FBXL2: variants seen among roughly 807,000 people sequenced by gnomAD.
FBXL2 encodes the protein F-box and leucine rich repeat protein 2.
In FBXL2, 38 loss-of-function variants were observed where a neutral mutation model predicts 69.2. The observed-to-expected ratio is 0.55, with a 90% CI of 0.42 to 0.72. FBXL2 has a LOEUF of 0.72. Among genes scored for constraint, FBXL2 ranks in the 30% least tolerant of loss-of-function variants. The pLI is 0.00. For missense variants in FBXL2, 354 were observed against 520.3 expected, an observed-to-expected ratio of 0.68 and a Z score of 3.11; for synonymous variants, 192 against 201.3, an observed-to-expected ratio of 0.95 and a Z score of 0.39.
chr3:33,412,891 C>T, the FBXL2 span: 1 of 1,053,644 alleles, frequency 9.5e-7, no homozygotes, highest in Non-Finnish European at 1.5e-6. Context: ...AGGACCATTT[C>T]TACTTCTTAT....
chr3:33,377,930 C>T (rs2291897), intron 11 of FBXL2, among the ~76,000 whole-genome samples, 173 bp from the exon 12 acceptor site: 39,110 of 152,068 alleles, frequency 0.26, 5,927 homozygotes, highest in East Asian at 0.47. Context: ...CACTGTAACT[C>T]AAAAGGCAGC....
At chr3:33,396,166 G>T in intron 12 of FBXL2, 1 of 1,576,208 alleles carries the variant, frequency 6.3e-7, no homozygotes, top group South Asian at 1.1e-5. Context: ...ACCTACCATA[G>T]GGTGCCCCAC....
rs1161413635 is a variant in FBXL2, at chr3:33,360,962, C to T, written c.195+1605C>T. ...TTTTTTTTTTTTTGAGACAGAGTCT[C>T]GCTCTGTCACCCAGGCTGGAGTGCA... is the stretch of plus-strand genomic sequence containing the variant. On this transcript the variant is annotated intron_variant, in intron 4 of 14. Coordinates refer to ENST00000484457, the MANE Select transcript of FBXL2 (RefSeq NM_012157.5). Among the ~76,000 whole-genome samples, 13 of 110,806 alleles carry T rather than the reference C, an allele frequency of 1.2e-4. 1 individual carries two copies. In the Middle Eastern group the frequency reaches 0.04, roughly 341 times the overall value. 72.7% of individuals were successfully genotyped at this position (110,806 alleles called of 152,430 possible).
At chr3:33,283,675 T>G (rs1221744790) in intron 1 of FBXL2, among the ~76,000 whole-genome samples, 2 of 152,318 alleles carry the variant, frequency 1.3e-5, no homozygotes, top group Middle Eastern at 3.4e-3. Flanking sequence ...ATCTGTCTGG[T>G]CCTGGACTTT....
intron 12 of FBXL2, chr3:33,396,015 C>T: frequency 1.7e-6 from 1 of 598,002 alleles, no homozygotes; most frequent in Admixed American, 2.8e-5. Context: ...CTAGAGCTGC[C>T]ACCTCTCATT....
chr3:33,317,347 A>G (rs1345405025), intron 2 of FBXL2: 1 of 403,540 alleles, frequency 2.5e-6, no homozygotes, highest in Non-Finnish European at 5.0e-6. Flanking sequence ...CCCAAATCCC[A>G]TTCATTCACT....
At chr3:33,408,618 T>A, downstream of FBXL2, 1 of 1,265,964 alleles carries the variant, frequency 7.9e-7, no homozygotes, top group Non-Finnish European at 1.1e-6. Flanking sequence ...TACTTTGCGG[T>A]GGAAGTTGGT....
intron 12 of FBXL2, among the ~76,000 whole-genome samples, chr3:33,399,033 T>C (rs897635997): frequency 9.2e-5 from 14 of 152,264 alleles, no homozygotes; most frequent in African/African-American, 3.1e-4. Flanking sequence ...ATACGTGGCA[T>C]AGTAAGAAAC....
At chr3:33,289,768 A>G in intron 1 of FBXL2, 1 of 983,316 alleles carries the variant, frequency 1.0e-6, no homozygotes, top group Non-Finnish European at 1.2e-6. Flanking sequence ...GGGGCAAGGG[A>G]AAGAGAGCTA....
At chr3:33,374,006 G>A in intron 9 of FBXL2, 85 bp downstream of exon 9, 1 of 1,293,496 alleles carries the variant, frequency 7.7e-7, no homozygotes, top group Non-Finnish European at 1.1e-6. Context: ...CAGCCCCCTA[G>A]GCACCTGAGA....
chr3:33,415,982 C>T, the FBXL2 span: 1 of 152,174 alleles, frequency 6.6e-6, no homozygotes, highest in Non-Finnish European at 1.5e-5. Context: ...ATTCCCACCA[C>T]AAGGCTGCCC....
chr3:33,299,027 T>TTTTATTTATTTATTTATTTATTTATTTA lies in FBXL2; in HGVS notation c.65+1329_65+1330insATTTATTTATTTATTTATTTATTTATTT, dbSNP rs61556987. Among the ~76,000 whole-genome samples the TTTTATTTATTTATTTATTTATTTATTTA allele has an allele frequency of 8.8e-3, 1,284 of 146,112 alleles. 19 individuals are homozygous for TTTTATTTATTTATTTATTTATTTATTTA. The highest frequency in any genetic ancestry group is 0.025 in the African/African-American group (972 of 38,536). On this transcript the variant is annotated intron_variant, in intron 2 of 14. Transcript: ENST00000484457. ...CAATGGAATCCTTTTATTTTTTTAA[T>TTTTATTTATTTATTTATTTATTTATTTA]TTTATTTATTTATTTATTTATTTAT...
At position 33,387,612 on chromosome 3, in the gene FBXL2, C is replaced by CAA. The variant is rs2043531922; in HGVS notation, c.*2007_*2008dup. 1 of 104,796 alleles carries CAA rather than the reference C, an allele frequency of 9.5e-6. No homozygotes were observed. Among genetic ancestry groups the CAA allele is most frequent in the East Asian group, 3.3e-4 (1 of 3,034 alleles). 6.5% of individuals were successfully genotyped at this position (104,796 alleles called of 1,614,324 possible). A position where few individuals can be genotyped will look rare whatever the true frequency, so the allele number is the denominator to read the frequency against. On this transcript the variant is annotated 3_prime_UTR_variant, in exon 15 of 15. Coordinates refer to ENST00000484457, the MANE Select transcript of FBXL2 (RefSeq NM_012157.5). ...CAACAGTGAGACTCCATCATCATCT[C>CAA]AAAACAAAACAAACAAACAAACAAA...
chr3:33,409,118 T>C, the FBXL2 span: 1 of 968,696 alleles, frequency 1.0e-6, no homozygotes, highest in Non-Finnish European at 1.6e-6. Flanking sequence ...TCACAGAGAA[T>C]AACATGTCAA....
the FBXL2 span, among the ~76,000 whole-genome samples, chr3:33,417,754 T>C: frequency 1.3e-5 from 2 of 152,204 alleles, no homozygotes; most frequent in Non-Finnish European, 2.9e-5. Flanking sequence ...AGAAAATCAG[T>C]AAAAATTAAA....
chr3:33,354,786 T>C (rs751478617), intron 2 of FBXL2, among the ~76,000 whole-genome samples: 4 of 152,120 alleles, frequency 2.6e-5, no homozygotes, highest in Non-Finnish European at 5.9e-5. Context: ...ATAGAAAGTA[T>C]AATTATTGGA....
At chr3:33,281,756 A>G (rs1212417001) in intron 1 of FBXL2, among the ~76,000 whole-genome samples, 2 of 151,914 alleles carry the variant, frequency 1.3e-5, no homozygotes, top group South Asian at 2.1e-4. Context: ...GTGAGATGGT[A>G]TCTCATTGTG....
intron 13 of FBXL2, among the ~76,000 whole-genome samples, chr3:33,379,921 G>A (rs59950476): frequency 0.078 from 11,894 of 152,138 alleles, 541 homozygotes; most frequent in South Asian, 0.11. Flanking sequence ...ATCAACTAAT[G>A]CAGAAAAAGA....
chr3:33,284,562 C>G (rs1187433607), intron 1 of FBXL2, among the ~76,000 whole-genome samples: 4 of 152,132 alleles, frequency 2.6e-5, no homozygotes, highest in Admixed American at 2.6e-4. Context: ...TCTATTAGGT[C>G]CGCTTGGTGC....
Sources: allele counts gnomAD v4.1 joint callset (sites outside exome capture counted in the v4.1 genomes callset), GRCh38; gene constraint gnomAD v4.1.1; transcripts MANE v1.5; gene names NCBI Gene and HGNC (gene_info 2026-07-23, HGNC 2026-07-21).